NEBL: variants seen among roughly 807,000 people sequenced by gnomAD.
The protein encoded by NEBL is LIM and SH3 protein 2.
A neutral mutation model predicts 140.2 loss-of-function variants in NEBL; 122 were observed. That is an observed-to-expected ratio of 0.87 (90% confidence interval 0.75 to 1.01). The LOEUF (loss-of-function observed/expected upper bound fraction) is 1.01. Among genes scored for constraint, NEBL ranks in the 50% least tolerant of loss-of-function variants. The pLI, the probability that NEBL is intolerant of heterozygous loss-of-function variation, is 0.00. For synonymous variants in NEBL, 436 were observed against 398.9 expected, an observed-to-expected ratio of 1.09 and a Z score of -1.11; for missense variants, 1,365 against 1,231.3, an observed-to-expected ratio of 1.11 and a Z score of -1.62.
intron 4 of NEBL, among the ~76,000 whole-genome samples, chr10:20,935,302 A>T (rs559496150): frequency 6.6e-6 from 1 of 152,368 alleles, no homozygotes; most frequent in East Asian, 1.9e-4. Flanking sequence ...AATAACAGAA[A>T]TTTTGAATCT....
At position 21,292,636 on chromosome 10, in the gene NEBL, A is replaced by C. The variant is rs57325603; in HGVS notation, n.182+194T>G. 1.0e-3 allele frequency among the ~76,000 whole-genome samples: 156 copies of C among 152,306 alleles called. 1 individual carries two copies. The highest frequency in any genetic ancestry group is 2.0e-3 in the Non-Finnish European group (135 of 68,016). Reference sequence around the variant, plus strand: ...AAACATCCCTTGTGCCTATTCTTTTAAAAAGGACTTTTTCCCTCTATTTCA... The same window carrying C: ...AAACATCCCTTGTGCCTATTCTTTTCAAAAGGACTTTTTCCCTCTATTTCA... On this transcript the variant is annotated intron_variant and non_coding_transcript_variant, in intron 1 of 8. Coordinates refer to the NEBL transcript ENST00000675702.
chr10:21,037,582 T>C (rs1010063256), intron 2 of NEBL, among the ~76,000 whole-genome samples: 1 of 152,148 alleles, frequency 6.6e-6, no homozygotes, highest in African/African-American at 2.4e-5. Flanking sequence ...GAGAGAATTT[T>C]AGGGAGTGAT....
intron 9 of NEBL, among the ~76,000 whole-genome samples, chr10:20,853,863 C>T (rs1329579710): frequency 6.6e-6 from 1 of 151,984 alleles, no homozygotes; most frequent in Non-Finnish European, 1.5e-5. Context: ...ATTTATTGTA[C>T]ATTTTAAAAT....
chr10:21,115,291 T>G (rs995795557), intron 2 of NEBL, among the ~76,000 whole-genome samples: 1 of 152,108 alleles, frequency 6.6e-6, no homozygotes, highest in African/African-American at 2.4e-5. Flanking sequence ...TTAAAGATAT[T>G]TTTAAAAACA....
chr10:20,913,886 T>C (rs1848430202), intron 4 of NEBL, among the ~76,000 whole-genome samples: 1 of 152,220 alleles, frequency 6.6e-6, no homozygotes, highest in East Asian at 1.9e-4. Flanking sequence ...ACTGGAGTTT[T>C]CTTTTTCAGG....
intron 3 of NEBL, among the ~76,000 whole-genome samples, chr10:20,970,287 G>C (rs1483707467): frequency 6.6e-6 from 1 of 152,132 alleles, no homozygotes; most frequent in Non-Finnish European, 1.5e-5. Flanking sequence ...CTGCCCCATG[G>C]CCAGGGACTG....
chr10:20,828,672 G>A, intron 16 of NEBL, 38 bp from the exon 17 acceptor site: 1 of 1,345,030 alleles, frequency 7.4e-7, no homozygotes, highest in Non-Finnish European at 1.1e-6. Flanking sequence ...CTGAAACTAT[G>A]TGTGTGCGCA....
chr10:21,003,805 T>C (rs1281799053), intron 3 of NEBL, among the ~76,000 whole-genome samples: 2 of 152,248 alleles, frequency 1.3e-5, no homozygotes, highest in Non-Finnish European at 2.9e-5. Flanking sequence ...TTGCTTAAAC[T>C]ATTCAATTAT....
At chr10:20,934,018 T>C (rs1409794550) in intron 4 of NEBL, among the ~76,000 whole-genome samples, 2 of 152,230 alleles carry the variant, frequency 1.3e-5, no homozygotes, top group Non-Finnish European at 2.9e-5. Context: ...TTTTAAAATA[T>C]GTTTTCATTA....
intron 1 of NEBL, among the ~76,000 whole-genome samples, chr10:21,285,450 C>A (rs183716717): frequency 5.6e-4 from 85 of 152,360 alleles, no homozygotes; most frequent in Admixed American, 4.9e-3. Context: ...TCCCCATCTT[C>A]CTGCCTTTGC....
rs189588042 is a variant in NEBL at position 21,153,353 on chromosome 10, C to A, written c.164+19030G>T. On this transcript the variant is annotated intron_variant, in intron 2 of 6. Coordinates refer to the NEBL transcript ENST00000417816. ...AATTTTTTTTTAAGATGGAGTTTTG[C>A]TCTGTCATCCAGGCTGGAGTGCAAT... 3.9e-3 allele frequency among the ~76,000 whole-genome samples: 574 copies of A among 148,786 alleles called. 3 individuals carry two copies. The highest frequency in any genetic ancestry group is 6.8e-3 in the Non-Finnish European group (457 of 67,208).
chr10:21,161,818 T>A (rs1189248851), intron 2 of NEBL, among the ~76,000 whole-genome samples: 2 of 152,128 alleles, frequency 1.3e-5, no homozygotes, highest in Non-Finnish European at 2.9e-5. Context: ...TAATAAAGAA[T>A]TTGAATGGCC....
intron 2 of NEBL, among the ~76,000 whole-genome samples, chr10:21,168,976 G>A (rs1310912944): frequency 1.4e-5 from 2 of 146,302 alleles, no homozygotes; most frequent in Non-Finnish European, 3.0e-5. Flanking sequence ...ATGAACCCAG[G>A]AGGCAGAGCT....
intron 2 of NEBL, chr10:21,146,275 A>T: frequency 7.8e-7 from 1 of 1,279,440 alleles, no homozygotes; most frequent in Non-Finnish European, 1.1e-6. Flanking sequence ...AGCATCATTT[A>T]CATCACCACG....
At chr10:21,291,569 C>T (rs1843143963) in intron 1 of NEBL, among the ~76,000 whole-genome samples, 1 of 151,270 alleles carries the variant, frequency 6.6e-6, no homozygotes, top group Non-Finnish European at 1.5e-5. Context: ...ATCCTTCCTA[C>T]TCAGCACTGG....
intron 1 of NEBL, among the ~76,000 whole-genome samples, chr10:21,252,508 G>A (rs1399033363): frequency 6.6e-6 from 1 of 152,168 alleles, no homozygotes; most frequent in Non-Finnish European, 1.5e-5. Context: ...AATTCATGTT[G>A]AGAGTTTTTA....
chr10:21,173,162 G>A lies in NEBL; in HGVS notation c.69+603C>T, dbSNP rs1437558471. Among the ~76,000 whole-genome samples the A allele has an allele frequency of 6.6e-5, 10 of 152,206 alleles. No homozygotes were observed. Among genetic ancestry groups the A allele is most frequent in the African/African-American group, 2.4e-4 (10 of 41,460 alleles). ...AAGGGCAGGGGGCAGGGCTGGAGGG[G>A]CCCGGCTACAGAACTACTTCCCCTG... On this transcript the variant is annotated intron_variant, in intron 1 of 6. Transcript: ENST00000417816. This position sits in a 1 kb window ranked among gnomAD's most constrained non-coding sequence, Gnocchi z 5.7.
At chr10:21,143,348 C>G (rs61851502) in intron 2 of NEBL, among the ~76,000 whole-genome samples, 1 of 145,344 alleles carries the variant, frequency 6.9e-6, no homozygotes, top group Non-Finnish European at 1.5e-5. Context: ...ACTTGGGAGG[C>G]TGAGGCAGGA....
At chr10:21,269,477 C>T (rs1842835874) in intron 1 of NEBL, among the ~76,000 whole-genome samples, 1 of 152,228 alleles carries the variant, frequency 6.6e-6, no homozygotes, top group Non-Finnish European at 1.5e-5. Context: ...CTTCTTCGCA[C>T]TCTAAAGACT....
Sources: allele counts gnomAD v4.1 joint callset (sites outside exome capture counted in the v4.1 genomes callset), GRCh38; gene constraint gnomAD v4.1.1; non-coding constraint Gnocchi (gnomAD v3.1); transcripts MANE v1.5; gene names NCBI Gene and HGNC (gene_info 2026-07-23, HGNC 2026-07-21).